HFM1: variants seen among roughly 807,000 people sequenced by gnomAD.
The protein encoded by HFM1 is probable ATP-dependent DNA helicase HFM1.
In HFM1, 169 loss-of-function variants were observed where a neutral mutation model predicts 192.1. The ratio of observed to expected loss-of-function variants is 0.88; its 90% CI spans 0.78 to 1.00. HFM1 has a LOEUF of 1.00. Ranked by LOEUF, HFM1 falls within the 50% of genes least tolerant of loss-of-function variation. HFM1 has a pLI of 0.00. For synonymous variants in HFM1, 525 were observed against 537.8 expected, an observed-to-expected ratio of 0.98 and a Z score of 0.33; for missense variants, 1,661 against 1,668.0, an observed-to-expected ratio of 1.00 and a Z score of 0.07.
chr1:91,356,341 T>A (rs1048562247), intron 13 of HFM1, among the ~76,000 whole-genome samples: 2 of 151,868 alleles, frequency 1.3e-5, no homozygotes, highest in African/African-American at 4.8e-5. Context: ...CCTCCCAGGT[T>A]CAAGCGATTC....
chr1:91,319,371 C>A lies in HFM1; in HGVS notation c.2602G>T (p.Gly868Ter). The A allele has an allele frequency of 6.2e-7, 1 of 1,611,432 alleles. No individual in the cohort carries two copies. The highest frequency in any genetic ancestry group is 8.5e-7 in the Non-Finnish European group (1 of 1,177,742). ...GCAAAATCTTGTATGGGAATGCATC[C>A]TAGTTGAGCCTGAATAAGACTGGGG... is the stretch of plus-strand genomic sequence containing the variant. ...KVNCLIQAQL[G>*]CIPIQDFALT... The change falls in exon 24 of 39, where the codon GGA (glycine) becomes TGA (stop). Residue 868 changes from glycine (G) to a stop codon, truncating the protein, a stop_gained. Transcript: ENST00000370425. LOFTEE classifies it high-confidence loss of function.
intron 13 of HFM1, among the ~76,000 whole-genome samples, chr1:91,354,138 G>A (rs1204234655): frequency 6.6e-6 from 1 of 151,654 alleles, no homozygotes; most frequent in East Asian, 1.9e-4. Context: ...GCACAAGAAA[G>A]TTATTCAAAA....
At chr1:91,299,879 A>G (rs1378864336) in intron 30 of HFM1, among the ~76,000 whole-genome samples, 1 of 152,212 alleles carries the variant, frequency 6.6e-6, no homozygotes, top group African/African-American at 2.4e-5. Context: ...AAAGAACTAG[A>G]GAAGTAAGAG....
intron 20 of HFM1, chr1:91,329,558 T>C: frequency 7.4e-7 from 1 of 1,348,382 alleles, no homozygotes; most frequent in Non-Finnish European, 1.0e-6. Context: ...ACCAGAATAT[T>C]TGCCCTCTTG....
At chr1:91,393,469 A>T (rs1186734412) in intron 4 of HFM1, among the ~76,000 whole-genome samples, 2 of 152,122 alleles carry the variant, frequency 1.3e-5, no homozygotes, top group Non-Finnish European at 2.9e-5. Flanking sequence ...TAGTTCTTTA[A>T]ATCAAAAAAG....
chr1:91,375,676 C>T lies in HFM1; in HGVS notation c.1447G>A (p.Asp483Asn), dbSNP rs765029033. Residue 483 changes from aspartate to asparagine, a missense_variant, in exon 12 of 39, where the codon GAT becomes AAT. Coordinates refer to ENST00000370425, the MANE Select transcript of HFM1 (RefSeq NM_001017975.6). The part of the protein sequence containing the change: ...GERPAVCLKM[D>N]ESHRPVKLQK... ...AGTTTCACTGGTCTATGGCTCTCATCCATTTTCAGACACACAGCTGGTCTT... is the reference window on the plus strand; with the variant it reads ...AGTTTCACTGGTCTATGGCTCTCATTCATTTTCAGACACACAGCTGGTCTT... The T allele has an allele frequency of 1.2e-6, 2 of 1,613,362 alleles. No individual in the cohort carries two copies. Among genetic ancestry groups the T allele is most frequent in the Admixed American group, 1.7e-5 (1 of 59,898 alleles).
At chr1:91,274,338 C>A (rs1483655856) in intron 33 of HFM1, among the ~76,000 whole-genome samples, 2 of 151,806 alleles carry the variant, frequency 1.3e-5, no homozygotes, top group African/African-American at 4.8e-5. Flanking sequence ...GTGTAATTTT[C>A]GTATTATAAA....
intron 13 of HFM1, among the ~76,000 whole-genome samples, chr1:91,368,534 G>C (rs912815892): frequency 2.0e-5 from 3 of 152,278 alleles, no homozygotes; most frequent in Admixed American, 6.5e-5. Flanking sequence ...ATCCTTTACA[G>C]ACAAGCAAAT....
intron 13 of HFM1, among the ~76,000 whole-genome samples, chr1:91,355,593 A>C (rs1657615502): frequency 6.6e-6 from 1 of 152,188 alleles, no homozygotes; most frequent in Non-Finnish European, 1.5e-5. Flanking sequence ...AAATGACTTT[A>C]AGTCAAAAAC....
Position 91,396,425 on chromosome 1 carries a change from G to A in HFM1, c.72-20C>T, listed in dbSNP as rs1399750083. On this transcript the variant is annotated intron_variant, in intron 2 of 38. Coordinates refer to ENST00000370425, the MANE Select transcript of HFM1 (RefSeq NM_001017975.6). ...GGATGGCTATATAAAATATAAAAAT[G>A]TGAGTATATATGTTAATAAAGATAT... is the stretch of plus-strand genomic sequence containing the variant. The A allele has an allele frequency of 2.1e-5, 26 of 1,239,526 alleles. No individual in the cohort carries two copies. Among genetic ancestry groups the A allele is most frequent in the Non-Finnish European group, 2.4e-5 (21 of 860,070 alleles). The allele number at this position is 1,239,526 out of a possible 1,614,324, so 76.8% of individuals were successfully genotyped here. A position where few individuals can be genotyped will look rare whatever the true frequency, so the allele number is the denominator to read the frequency against.
intron 8 of HFM1, among the ~76,000 whole-genome samples, chr1:91,379,865 T>C (rs925087185): frequency 6.6e-6 from 1 of 152,180 alleles, no homozygotes; most frequent in African/African-American, 2.4e-5. Context: ...TATTTGTTCA[T>C]TTTGCCTGTC....
intron 13 of HFM1, among the ~76,000 whole-genome samples, chr1:91,362,983 A>T (rs1658721432): frequency 6.6e-6 from 1 of 152,128 alleles, no homozygotes; most frequent in African/African-American, 2.4e-5. Context: ...TATGCAGAAA[A>T]TTGAAACTGG....
At chr1:91,366,923 C>T (rs1487672291) in intron 13 of HFM1, among the ~76,000 whole-genome samples, 1 of 152,192 alleles carries the variant, frequency 6.6e-6, no homozygotes, top group South Asian at 2.1e-4. Flanking sequence ...ACTGCACTTT[C>T]CTAATGGTCT....
At chr1:91,316,039 A>G (rs977128453) in intron 27 of HFM1, 62 bp downstream of exon 27, 86 of 1,456,996 alleles carry the variant, frequency 5.9e-5, no homozygotes, top group Non-Finnish European at 8.0e-5. Flanking sequence ...GCTGAAGCCT[A>G]TTTATAGGTA....
chr1:91,326,026 T>A (rs1170646271), intron 20 of HFM1, among the ~76,000 whole-genome samples: 1 of 151,780 alleles, frequency 6.6e-6, no homozygotes, highest in South Asian at 2.1e-4. Flanking sequence ...AAACAGTAAG[T>A]GAGCTTGAAG....
At chr1:91,289,920 C>T (rs1298812054) in intron 30 of HFM1, among the ~76,000 whole-genome samples, 1 of 151,950 alleles carries the variant, frequency 6.6e-6, no homozygotes, top group African/African-American at 2.4e-5. Flanking sequence ...AAATAATTTT[C>T]AGCCCAGAAT....
chr1:91,366,389 T>C (rs1659315635), intron 13 of HFM1, among the ~76,000 whole-genome samples: 1 of 152,200 alleles, frequency 6.6e-6, no homozygotes, highest in Non-Finnish European at 1.5e-5. Flanking sequence ...CAAACAAGCC[T>C]CATTACTTGA....
At chr1:91,356,912 T>C (rs527825719) in intron 13 of HFM1, among the ~76,000 whole-genome samples, 2 of 151,910 alleles carry the variant, frequency 1.3e-5, no homozygotes, top group Admixed American at 6.6e-5. Flanking sequence ...CAGGAAGAAA[T>C]AGAAAGCTTA....
chr1:91,269,910 A>C (rs1420714538), intron 34 of HFM1, among the ~76,000 whole-genome samples: 2 of 152,156 alleles, frequency 1.3e-5, no homozygotes, highest in African/African-American at 2.4e-5. Context: ...TGGAGCACAA[A>C]GTTGGAGAAG....
Sources: allele counts gnomAD v4.1 joint callset (sites outside exome capture counted in the v4.1 genomes callset), GRCh38; gene constraint gnomAD v4.1.1; transcripts MANE v1.5; gene names NCBI Gene and HGNC (gene_info 2026-07-23, HGNC 2026-07-21).